LRMDA: variants seen among roughly 807,000 people sequenced by gnomAD.
LRMDA encodes leucine-rich melanocyte differentiation-associated protein.
In LRMDA, 18 loss-of-function variants were observed where a neutral mutation model predicts 29.8. That is an observed-to-expected ratio of 0.60 (90% CI 0.42 to 0.90). The LOEUF is 0.90. Ranked by LOEUF, LRMDA falls within the 40% of genes least tolerant of loss-of-function variation. The pLI, the probability that LRMDA is intolerant of heterozygous loss-of-function variation, is 0.00. For synonymous variants in LRMDA, 125 were observed against 109.4 expected (o/e 1.14, Z -0.89); for missense variants, 273 against 273.9 (o/e 1.00, Z 0.02).
In LRMDA at chr10:75,858,184, C is replaced by T. The variant is rs570042155; in HGVS notation, c.132-177824C>T. 1.0e-3 allele frequency among the ~76,000 whole-genome samples: 154 copies of T among 152,296 alleles called. 3 individuals carry two copies. The South Asian group carries it at 0.029, about 28-fold the overall frequency. ...GCCCACCAGCAGTGCCCTGGCCCCT[C>T]TGTCTACTCAGTAGAAGCAGGTACC... On this transcript the variant is annotated intron_variant, in intron 2 of 6. Coordinates refer to ENST00000611255, the MANE Select transcript of LRMDA (RefSeq NM_001305581.2).
chr10:75,778,705 C>T (rs1843343563), intron 2 of LRMDA, among the ~76,000 whole-genome samples: 1 of 152,214 alleles, frequency 6.6e-6, no homozygotes, highest in South Asian at 2.1e-4. Context: ...GAGCAACACT[C>T]ACCTGGTTAA....
chr10:76,315,363 G>C (rs866667751), intron 5 of LRMDA, among the ~76,000 whole-genome samples: 10 of 152,190 alleles, frequency 6.6e-5, no homozygotes, highest in Non-Finnish European at 2.9e-5. Context: ...CCGCACTCTG[G>C]ACCCTGGCAT....
intron 2 of LRMDA, among the ~76,000 whole-genome samples, chr10:75,980,925 G>A (rs901832489): frequency 2.0e-5 from 3 of 152,114 alleles, no homozygotes; most frequent in African/African-American, 7.2e-5. Flanking sequence ...TAACGTGTGT[G>A]CGTCCCAATC....
chr10:76,001,324 C>T lies in LRMDA; in HGVS notation c.132-34684C>T, dbSNP rs2132469261. ...TGGATTTCCCACTAGCAAATAGGGC[C>T]CTTCAAAACCTTTGAACATCCTGAG... is the stretch of plus-strand genomic sequence containing the variant. On this transcript the variant is annotated intron_variant, in intron 2 of 6. Transcript: ENST00000611255. Among the ~76,000 whole-genome samples the T allele has an allele frequency of 2.0e-5, 3 of 152,264 alleles. No homozygotes were observed. In the South Asian group the frequency reaches 6.2e-4, roughly 32 times the overall value.
intron 2 of LRMDA, among the ~76,000 whole-genome samples, chr10:75,666,323 G>A (rs142798659): frequency 6.6e-6 from 1 of 151,712 alleles, no homozygotes; most frequent in East Asian, 1.9e-4. Flanking sequence ...TTAGTGTCAA[G>A]TCACTAACTG....
chr10:75,485,655 G>A (rs558408598), intron 2 of LRMDA, among the ~76,000 whole-genome samples: 8 of 152,008 alleles, frequency 5.3e-5, no homozygotes, highest in South Asian at 4.2e-4. Flanking sequence ...TCAGTGCACC[G>A]CAACCTCCGC....
chr10:76,001,865 C>T (rs181505563), intron 2 of LRMDA, among the ~76,000 whole-genome samples: 1 of 152,228 alleles, frequency 6.6e-6, no homozygotes, highest in African/African-American at 2.4e-5. Flanking sequence ...ACATTTGCTG[C>T]CCTTGGAGAA....
chr10:76,428,658 A>G (rs1423477705), intron 6 of LRMDA, among the ~76,000 whole-genome samples: 2 of 152,148 alleles, frequency 1.3e-5, no homozygotes, highest in South Asian at 2.1e-4. Context: ...GGGGTGAATG[A>G]GGAGGGTAAA....
intron 2 of LRMDA, among the ~76,000 whole-genome samples, chr10:75,453,507 T>C (rs1389211024): frequency 6.6e-6 from 1 of 152,252 alleles, no homozygotes; most frequent in Non-Finnish European, 1.5e-5. Flanking sequence ...TCAAATACAG[T>C]GCTGTTTGCA....
At chr10:76,163,552 C>CGTGCATG (rs1564671969) in intron 5 of LRMDA, among the ~76,000 whole-genome samples, 4 of 151,872 alleles carry the variant, frequency 2.6e-5, no homozygotes. Flanking sequence ...TTACTGTGCA[C>CGTGCATG]GTGCATGTAG....
chr10:76,051,975 G>A (rs548773803), intron 4 of LRMDA, among the ~76,000 whole-genome samples: 5 of 152,236 alleles, frequency 3.3e-5, no homozygotes, highest in South Asian at 4.1e-4. Context: ...AGTTGATCAC[G>A]GCTTCTGTTC....
intron 2 of LRMDA, among the ~76,000 whole-genome samples, chr10:75,534,632 C>T (rs1839922557): frequency 6.6e-6 from 1 of 152,218 alleles, no homozygotes; most frequent in South Asian, 2.1e-4. Context: ...TAGACATAGA[C>T]ATAGCCTCAG....
chr10:75,466,886 G>T (rs1296818775), intron 2 of LRMDA, among the ~76,000 whole-genome samples: 1 of 150,944 alleles, frequency 6.6e-6, no homozygotes, highest in Non-Finnish European at 1.5e-5. Flanking sequence ...GAAAAGGAAA[G>T]AAAAAATTAA....
intron 6 of LRMDA, among the ~76,000 whole-genome samples, chr10:76,408,126 G>C (rs1380023677): frequency 1.3e-5 from 2 of 152,146 alleles, no homozygotes. Flanking sequence ...GGAAAATGCA[G>C]AACAATTGGG....
intron 5 of LRMDA, among the ~76,000 whole-genome samples, chr10:76,084,944 C>T (rs537239502): frequency 3.3e-5 from 5 of 152,278 alleles, no homozygotes; most frequent in African/African-American, 4.8e-5. Context: ...TTGCCTATTT[C>T]GTGACTGAAG....
At chr10:76,076,922 A>G (rs1023879273) in intron 5 of LRMDA, among the ~76,000 whole-genome samples, 10 of 152,206 alleles carry the variant, frequency 6.6e-5, no homozygotes, top group African/African-American at 2.2e-4. Context: ...GATGATGTTG[A>G]CTTGACCTAG....
chr10:75,544,079 C>T (rs1304370986), intron 2 of LRMDA, among the ~76,000 whole-genome samples: 3 of 152,172 alleles, frequency 2.0e-5, no homozygotes, highest in Non-Finnish European at 4.4e-5. Context: ...TACAGATTCA[C>T]TTCAGAAATG....
chr10:76,480,745 T>C (rs552154657), intron 6 of LRMDA, among the ~76,000 whole-genome samples: 2 of 152,094 alleles, frequency 1.3e-5, no homozygotes, highest in African/African-American at 4.8e-5. Flanking sequence ...TTTCCTGTAA[T>C]ATGGGAGTTG....
chr10:75,858,512 G>A (rs909899796), intron 2 of LRMDA, among the ~76,000 whole-genome samples: 2 of 152,180 alleles, frequency 1.3e-5, no homozygotes, highest in East Asian at 1.9e-4. Flanking sequence ...TGTGTGCTGA[G>A]TAACAGCAGC....
Sources: gnomAD v4.1 joint callset for allele counts (sites outside exome capture counted in the v4.1 genomes callset) on GRCh38, gnomAD v4.1.1 for gene constraint, MANE v1.5 for transcripts, NCBI Gene and HGNC (gene_info 2026-07-23, HGNC 2026-07-21) for gene names.